RNF13: variants seen among roughly 807,000 people sequenced by gnomAD.
RNF13 encodes the protein E3 ubiquitin-protein ligase RNF13.
RNF13 carries 19 observed loss-of-function variants against 37.7 expected under a neutral mutation model. The ratio of observed to expected loss-of-function variants is 0.50; its 90% CI spans 0.35 to 0.74. RNF13 has a LOEUF of 0.74. Among genes scored for constraint, RNF13 ranks in the 30% least tolerant of loss-of-function variants. RNF13 has a pLI of 0.01. For missense variants in RNF13, 375 were observed against 453.0 expected (o/e 0.83, Z 1.56); for synonymous variants, 144 against 157.8 (o/e 0.91, Z 0.65).
intron 5 of RNF13, among the ~76,000 whole-genome samples, chr3:149,900,414 C>T (rs1336865624): frequency 6.6e-6 from 1 of 151,440 alleles, no homozygotes; most frequent in African/African-American, 2.4e-5. Context: ...ATAACAATAC[C>T]TCTGCATCTA....
chr3:149,911,152 C>G (rs190942352), intron 6 of RNF13, among the ~76,000 whole-genome samples: 56 of 152,160 alleles, frequency 3.7e-4, no homozygotes, highest in Non-Finnish European at 3.2e-4. Flanking sequence ...GAGTATAGGA[C>G]CTGTATCCAT....
chr3:149,862,861 T>C (rs539096078), intron 3 of RNF13, among the ~76,000 whole-genome samples: 1 of 152,192 alleles, frequency 6.6e-6, no homozygotes, highest in African/African-American at 2.4e-5. Context: ...TATAAAAGAA[T>C]GTCCAGCCAC....
At chr3:149,910,683 G>A (rs1207934203) in intron 6 of RNF13, among the ~76,000 whole-genome samples, 1 of 152,112 alleles carries the variant, frequency 6.6e-6, no homozygotes, top group African/African-American at 2.4e-5. Context: ...GAAATACCTG[G>A]CTTCACTACT....
chr3:149,912,470 T>C (rs1012946448), intron 7 of RNF13, among the ~76,000 whole-genome samples: 2 of 152,106 alleles, frequency 1.3e-5, no homozygotes, highest in Non-Finnish European at 2.9e-5. Context: ...CAAAAAAAAT[T>C]TACTAAACCT....
At chr3:149,956,275 T>C (rs1321749894) in intron 8 of RNF13, among the ~76,000 whole-genome samples, 3 of 152,146 alleles carry the variant, frequency 2.0e-5, no homozygotes, top group Non-Finnish European at 4.4e-5. Flanking sequence ...CTTAGCATAA[T>C]CTAGAAGATT....
intron 1 of RNF13, among the ~76,000 whole-genome samples, chr3:149,836,584 A>G (rs912209214): frequency 1.3e-5 from 2 of 152,128 alleles, no homozygotes; most frequent in Non-Finnish European, 2.9e-5. Context: ...GGGAAAGTAA[A>G]ATGGTGCAGC....
intron 4 of RNF13, among the ~76,000 whole-genome samples, chr3:149,886,578 T>C (rs1276736966): frequency 2.6e-5 from 4 of 152,210 alleles, no homozygotes; most frequent in African/African-American, 9.7e-5. Context: ...TTTTCCAATC[T>C]GGAAGCATTT....
intron 8 of RNF13, among the ~76,000 whole-genome samples, chr3:149,934,446 A>G (rs1719480181): frequency 6.6e-6 from 1 of 152,012 alleles, no homozygotes; most frequent in African/African-American, 2.4e-5. Flanking sequence ...AGTTGTTTAT[A>G]TGAAGTTTTT....
At chr3:149,882,041 A>G (rs1252362080) in intron 4 of RNF13, among the ~76,000 whole-genome samples, 2 of 151,950 alleles carry the variant, frequency 1.3e-5, no homozygotes, top group Non-Finnish European at 2.9e-5. Flanking sequence ...GGATATACAG[A>G]TGGAGGAAGT....
intron 8 of RNF13, among the ~76,000 whole-genome samples, chr3:149,940,717 A>G (rs1720164195): frequency 6.6e-6 from 1 of 152,172 alleles, no homozygotes; most frequent in Admixed American, 6.5e-5. Context: ...CAATAAATTT[A>G]CAATCTTAAC....
chr3:149,929,838 A>G (rs1718995239), intron 8 of RNF13, among the ~76,000 whole-genome samples: 2 of 152,076 alleles, frequency 1.3e-5, no homozygotes, highest in African/African-American at 2.4e-5. Context: ...GCAGTTGACT[A>G]TATTTGTGTG....
chr3:149,842,735 A>G (rs1722298078), intron 1 of RNF13, among the ~76,000 whole-genome samples: 1 of 152,234 alleles, frequency 6.6e-6, no homozygotes, highest in Admixed American at 6.5e-5. Context: ...ATTCATAAGG[A>G]ATGCCATATG....
At chr3:149,845,696 T>C in intron 1 of RNF13, 1 of 177,962 alleles carries the variant, frequency 5.6e-6, no homozygotes, top group Non-Finnish European at 1.2e-5. Context: ...TTGGTTGAAA[T>C]CTAGTTTCTC....
intron 7 of RNF13, among the ~76,000 whole-genome samples, chr3:149,914,291 C>T (rs1434667901): frequency 6.6e-6 from 1 of 151,930 alleles, no homozygotes; most frequent in African/African-American, 2.4e-5. Context: ...TAGCATCAGA[C>T]CTTTTCCCAG....
At chr3:149,836,447 G>GTA (rs1268867031) in intron 1 of RNF13, among the ~76,000 whole-genome samples, 2 of 151,738 alleles carry the variant, frequency 1.3e-5, no homozygotes, top group Non-Finnish European at 2.9e-5. Context: ...TATATATATT[G>GTA]TATATATATG....
Position 149,852,518 on chromosome 3 carries a change from T to A in RNF13, c.117T>A (p.Tyr39Ter). ...LLPVEADILA[Y>*]NFENASQTFD... ...AATATTTAAAATTTTATTTTTAGTA[T>A]AACTTTGAAAATGCATCTCAGACAT... The change falls in exon 3 of 10, where the codon TAT (tyrosine) becomes TAA (stop). Residue 39 changes from tyrosine (Y) to a stop codon, truncating the protein, a stop_gained and splice_region_variant. Coordinates refer to ENST00000392894, the MANE Select transcript of RNF13 (RefSeq NM_183381.3). LOFTEE classifies it high-confidence loss of function. 6.7e-7 allele frequency: 1 copy of A among 1,500,942 alleles called. No homozygotes were observed. Among genetic ancestry groups the A allele is most frequent in the Non-Finnish European group, 9.0e-7 (1 of 1,105,194 alleles). 93.0% of individuals were successfully genotyped at this position (1,500,942 alleles called of 1,614,324 possible).
chr3:149,871,254 C>T (rs1206465893), intron 3 of RNF13, among the ~76,000 whole-genome samples: 1 of 151,506 alleles, frequency 6.6e-6, no homozygotes, highest in Non-Finnish European at 1.5e-5. Context: ...GTTGGCCAGG[C>T]TGGTCTTGAA....
rs932762917 is a variant in RNF13 at position 149,897,875 on chromosome 3, C to T, written c.409+2315C>T. The stretch of plus-strand genomic sequence containing the variant: ...AAAGCCCCTTCCTGTTGACACTTCA[C>T]GTAAGGAATATACCAATTTTTATTT... On this transcript the variant is annotated intron_variant, in intron 5 of 9. Coordinates refer to ENST00000392894, the MANE Select transcript of RNF13 (RefSeq NM_183381.3). Among the ~76,000 whole-genome samples, 5 of 152,080 alleles carry T rather than the reference C, an allele frequency of 3.3e-5. No homozygotes were observed. The East Asian group carries it at 5.8e-4, about 18-fold the overall frequency.
chr3:149,938,007 A>G (rs979519094), intron 8 of RNF13, among the ~76,000 whole-genome samples: 2 of 152,064 alleles, frequency 1.3e-5, no homozygotes, highest in African/African-American at 2.4e-5. Flanking sequence ...CTGGATCTGT[A>G]CATTTCAGAT....
Sources: gnomAD v4.1 joint callset for allele counts (sites outside exome capture counted in the v4.1 genomes callset) on GRCh38, gnomAD v4.1.1 for gene constraint, MANE v1.5 for transcripts, NCBI Gene and HGNC (gene_info 2026-07-23, HGNC 2026-07-21) for gene names.